NRG3: variants seen among roughly 807,000 people sequenced by gnomAD.
NRG3 encodes neuregulin 3, also known as pro-neuregulin-3, membrane-bound isoform.
In NRG3, 31 loss-of-function variants were observed where a neutral mutation model predicts 66.9. That is an observed-to-expected ratio of 0.46 (90% CI 0.35 to 0.63). The LOEUF (loss-of-function observed/expected upper bound fraction) is 0.63, where lower values mean the gene tolerates loss of function less well. NRG3 is among the 20% of genes least tolerant of loss of function. The pLI is 0.00. For synonymous variants in NRG3, 393 were observed against 359.4 expected (o/e 1.09, Z -1.06); for missense variants, 910 against 878.9 (o/e 1.04, Z -0.45).
intron 1 of NRG3, among the ~76,000 whole-genome samples, chr10:82,192,380 C>T (rs529565853): frequency 1.3e-5 from 2 of 152,304 alleles, no homozygotes; most frequent in East Asian, 3.9e-4. Context: ...AATTGCAGCA[C>T]TACACTCAGA....
chr10:81,963,891 C>A (rs1332853163), intron 1 of NRG3, among the ~76,000 whole-genome samples: 3 of 152,178 alleles, frequency 2.0e-5, no homozygotes, highest in Non-Finnish European at 2.9e-5. Context: ...TTCTGTCCTC[C>A]TCCACCTCCA....
chr10:82,342,098 G>GATAT (rs142935379), intron 1 of NRG3, among the ~76,000 whole-genome samples: 2,941 of 150,192 alleles, frequency 0.02, 104 homozygotes, highest in African/African-American at 0.068. Flanking sequence ...CATACTATAT[G>GATAT]ATATATATAT....
chr10:82,588,905 G>T lies in NRG3; in HGVS notation c.954-149672G>T, dbSNP rs10509456. 0.011 allele frequency among the ~76,000 whole-genome samples: 1,654 copies of T among 152,234 alleles called. 60 individuals are homozygous for T. In the East Asian group the frequency reaches 0.14, roughly 13 times the overall value. ...CTAATATTAGCAAGGAACCATTCCCGCAGAGTTGGCCCAGTTTCCCAGAGC... is the reference window on the plus strand; with the variant it reads ...CTAATATTAGCAAGGAACCATTCCCTCAGAGTTGGCCCAGTTTCCCAGAGC... On this transcript the variant is annotated intron_variant, in intron 2 of 8. Transcript: ENST00000372141.
chr10:82,959,779 A>T (rs1390583588), intron 6 of NRG3, among the ~76,000 whole-genome samples: 2 of 152,210 alleles, frequency 1.3e-5, no homozygotes, highest in African/African-American at 2.4e-5. Flanking sequence ...CCTTACAGAG[A>T]TATCAGAACT....
chr10:82,154,551 G>GTT (rs556126416), intron 1 of NRG3, among the ~76,000 whole-genome samples: 2 of 145,502 alleles, frequency 1.4e-5, no homozygotes, highest in African/African-American at 5.1e-5. Flanking sequence ...GCTATTTGGG[G>GTT]TTTTTTTTTT....
At chr10:81,946,766 CAT>C (rs1848882852) in intron 1 of NRG3, among the ~76,000 whole-genome samples, 1 of 152,154 alleles carries the variant, frequency 6.6e-6, no homozygotes, top group Non-Finnish European at 1.5e-5. Flanking sequence ...TGCTGATTAC[CAT>C]AGTCTCTCAT....
intron 1 of NRG3, among the ~76,000 whole-genome samples, chr10:82,147,530 A>G (rs1371567071): frequency 6.6e-6 from 1 of 152,220 alleles, no homozygotes; most frequent in Non-Finnish European, 1.5e-5. Flanking sequence ...AATATACACT[A>G]AAACCAAAAG....
chr10:82,839,886 C>G (rs745649353), intron 3 of NRG3, among the ~76,000 whole-genome samples: 1 of 152,006 alleles, frequency 6.6e-6, no homozygotes, highest in African/African-American at 2.4e-5. Flanking sequence ...TTATATCTAT[C>G]TATAGGTATT....
At chr10:81,950,533 C>T (rs879509329) in intron 1 of NRG3, among the ~76,000 whole-genome samples, 1 of 152,136 alleles carries the variant, frequency 6.6e-6, no homozygotes, top group Non-Finnish European at 1.5e-5. Flanking sequence ...AGAAACTCTC[C>T]CTGAATCCAA....
At position 81,889,510 on chromosome 10, in the gene NRG3, A is replaced by G. The variant is rs541239167; in HGVS notation, c.823+13347A>G. The G allele has an allele frequency of 6.6e-5, 10 of 152,240 alleles. No homozygotes were observed. The East Asian group carries it at 1.7e-3, about 27-fold the overall frequency. 9.4% of individuals were successfully genotyped at this position (152,240 alleles called of 1,614,324 possible). A position where few individuals can be genotyped will look rare whatever the true frequency, so the allele number is the denominator to read the frequency against. On this transcript the variant is annotated intron_variant, in intron 1 of 8. Transcript: ENST00000372141. ...CCCACGTTTTTCACCCTAAAGAAGA[A>G]CCTTCAGATAAGAATCCAGTTCATC...
chr10:82,655,237 TA>T (rs1248611318), intron 2 of NRG3, among the ~76,000 whole-genome samples: 1 of 151,994 alleles, frequency 6.6e-6, no homozygotes, highest in African/African-American at 2.4e-5. Context: ...TTGTCACATT[TA>T]AAAATATTCT....
At chr10:82,183,925 GTGT>G (rs1482303467) in intron 1 of NRG3, among the ~76,000 whole-genome samples, 1 of 152,096 alleles carries the variant, frequency 6.6e-6, no homozygotes, top group East Asian at 1.9e-4. Context: ...TCTAGTTGTC[GTGT>G]TGTTTCCCAA....
At chr10:82,416,573 C>T (rs1161466666) in intron 2 of NRG3, among the ~76,000 whole-genome samples, 2 of 152,128 alleles carry the variant, frequency 1.3e-5, no homozygotes, top group African/African-American at 4.8e-5. Context: ...AACAACTGCC[C>T]TTTGCCTGGA....
At chr10:82,347,314 T>C (rs1290909401) in intron 1 of NRG3, among the ~76,000 whole-genome samples, 1 of 151,622 alleles carries the variant, frequency 6.6e-6, no homozygotes, top group East Asian at 1.9e-4. Flanking sequence ...CTGCCTTCAT[T>C]TCGTTATGTA....
chr10:82,311,746 T>C (rs1160224399), intron 1 of NRG3, among the ~76,000 whole-genome samples: 3 of 152,170 alleles, frequency 2.0e-5, no homozygotes, highest in Admixed American at 1.3e-4. Context: ...GAGGGTTTAC[T>C]ATTGCCACCA....
At chr10:82,722,559 A>T (rs577678582) in intron 2 of NRG3, among the ~76,000 whole-genome samples, 1 of 152,170 alleles carries the variant, frequency 6.6e-6, no homozygotes, top group Non-Finnish European at 1.5e-5. Flanking sequence ...GCAATCAGTT[A>T]TGGACCTATT....
At chr10:82,878,425 C>A (rs1006097060) in intron 4 of NRG3, among the ~76,000 whole-genome samples, 1 of 152,210 alleles carries the variant, frequency 6.6e-6, no homozygotes, top group African/African-American at 2.4e-5. Flanking sequence ...AGAATCCTAG[C>A]TAATGGAACA....
chr10:82,125,899 T>C (rs899725153), intron 1 of NRG3, among the ~76,000 whole-genome samples: 2 of 152,116 alleles, frequency 1.3e-5, no homozygotes. Context: ...AAGAAAGATG[T>C]CATTCTCTCT....
At chr10:82,858,711 A>G (rs949513302) in intron 3 of NRG3, among the ~76,000 whole-genome samples, 3 of 152,204 alleles carry the variant, frequency 2.0e-5, no homozygotes, top group Non-Finnish European at 2.9e-5. Flanking sequence ...TATAACTGAC[A>G]TGTTTTGTAA....
Sources: allele counts gnomAD v4.1 joint callset (sites outside exome capture counted in the v4.1 genomes callset), GRCh38; gene constraint gnomAD v4.1.1; transcripts MANE v1.5; gene names NCBI Gene and HGNC (gene_info 2026-07-23, HGNC 2026-07-21).